KCNQ3: variants seen among roughly 807,000 people sequenced by gnomAD.
KCNQ3 encodes the protein potassium voltage-gated channel subfamily KQT member 3.
KCNQ3 carries 30 observed loss-of-function variants against 92.5 expected under a neutral mutation model. The observed-to-expected ratio is 0.32, with a 90% CI of 0.24 to 0.44. The LOEUF (loss-of-function observed/expected upper bound fraction) is 0.44, where lower values mean the gene tolerates loss of function less well. Ranked by LOEUF, KCNQ3 falls within the 20% of genes least tolerant of loss-of-function variation. The pLI is 1.00. For synonymous variants in KCNQ3, 450 were observed against 468.8 expected (o/e 0.96, Z 0.52); for missense variants, 913 against 1,140.3 (o/e 0.80, Z 2.87).
intron 1 of KCNQ3, among the ~76,000 whole-genome samples, chr8:132,401,533 G>A (rs2167170): frequency 0.14 from 21,357 of 152,060 alleles, 1,952 homozygotes; most frequent in Non-Finnish European, 0.21. Context: ...GTGCCACCAC[G>A]CCCAGCTAAT....
intron 1 of KCNQ3, among the ~76,000 whole-genome samples, chr8:132,279,197 G>A (rs1366760509): frequency 6.6e-6 from 1 of 152,128 alleles, no homozygotes; most frequent in Admixed American, 6.5e-5. Context: ...CAGCCTGGGT[G>A]ACAGAGCCAG....
intron 1 of KCNQ3, among the ~76,000 whole-genome samples, chr8:132,227,167 ATTC>A (rs541699484): frequency 1.8e-4 from 26 of 147,438 alleles, no homozygotes; most frequent in Non-Finnish European, 3.7e-4. Flanking sequence ...GGTTCAACTG[ATTC>A]TCCTGGCTCA....
At chr8:132,181,917 T>C (rs950747992) in intron 3 of KCNQ3, among the ~76,000 whole-genome samples, 7 of 151,762 alleles carry the variant, frequency 4.6e-5, no homozygotes, top group East Asian at 1.9e-4. Context: ...CGGTGGTGGG[T>C]GCCTGTGGTC....
chr8:132,134,217 CA>C (rs1824985493), intron 13 of KCNQ3, 72 bp downstream of exon 13: 1 of 1,085,922 alleles, frequency 9.2e-7, no homozygotes, highest in African/African-American at 1.5e-5. Flanking sequence ...AGGACCCCAG[CA>C]GAGGTTTGGG....
In KCNQ3 at chr8:132,480,435, G is replaced by C. The variant is rs761196042; in HGVS notation, c.98C>G (p.Ala33Gly). ...GGAANPAGGD[A>G]AAAGDEERKV... The stretch of plus-strand genomic sequence containing the variant: ...CCGCTCCTCGTCGCCGGCCGCCGCC[G>C]CGTCCCCTCCGGCTGGGTTAGCCGC... The change falls in exon 1 of 15, where the codon GCG becomes GGG. Residue 33 changes from alanine (A) to glycine (G), a missense_variant. Coordinates refer to ENST00000388996, the MANE Select transcript of KCNQ3 (RefSeq NM_004519.4). 1 of 1,454,010 alleles carries C rather than the reference G, an allele frequency of 6.9e-7. No individual in the cohort carries two copies. Among genetic ancestry groups the C allele is most frequent in the Non-Finnish European group, 9.0e-7 (1 of 1,106,316 alleles). The allele number at this position is 1,454,010 out of a possible 1,614,324, so 90.1% of individuals were successfully genotyped here. A position where few individuals can be genotyped will look rare whatever the true frequency, so the allele number is the denominator to read the frequency against.
chr8:132,248,737 A>T (rs1025568803), intron 1 of KCNQ3, among the ~76,000 whole-genome samples: 6 of 152,180 alleles, frequency 3.9e-5, no homozygotes, highest in East Asian at 3.9e-4. Context: ...CAATCAGCAG[A>T]TTACTTCTAC....
chr8:132,386,032 G>C (rs1819882658), intron 1 of KCNQ3, among the ~76,000 whole-genome samples: 1 of 151,918 alleles, frequency 6.6e-6, no homozygotes, highest in Non-Finnish European at 1.5e-5. Context: ...AGGGCCCTGG[G>C]ATGGGGGGAT....
intron 1 of KCNQ3, among the ~76,000 whole-genome samples, chr8:132,464,051 G>T (rs1303846981): frequency 1.3e-5 from 2 of 152,174 alleles, no homozygotes; most frequent in African/African-American, 4.8e-5. Flanking sequence ...TGGGTGTGGT[G>T]GCGGGCGCCT....
At chr8:132,367,792 C>T (rs907243209) in intron 1 of KCNQ3, among the ~76,000 whole-genome samples, 2 of 152,206 alleles carry the variant, frequency 1.3e-5, no homozygotes, top group Non-Finnish European at 2.9e-5. Context: ...TAAATATGCT[C>T]ATGAGTCACT....
chr8:132,389,222 T>C (rs1412625302), intron 1 of KCNQ3, among the ~76,000 whole-genome samples: 1 of 152,166 alleles, frequency 6.6e-6, no homozygotes, highest in African/African-American at 2.4e-5. Flanking sequence ...TTTGGGAGGC[T>C]GAGGTGGTTG....
At chr8:132,168,187 C>T (rs1373413086) in intron 8 of KCNQ3, among the ~76,000 whole-genome samples, 2 of 152,186 alleles carry the variant, frequency 1.3e-5, no homozygotes, top group Non-Finnish European at 2.9e-5. Context: ...ACTGCTTTTA[C>T]CTTGGTCTAG....
chr8:132,465,929 T>C (rs1057408123), intron 1 of KCNQ3, among the ~76,000 whole-genome samples: 6 of 151,960 alleles, frequency 3.9e-5, no homozygotes, highest in African/African-American at 7.3e-5. Context: ...AATAAATACA[T>C]GAAATAAAAC....
At chr8:132,140,997 T>C (rs1825277534) in intron 10 of KCNQ3, 132 bp downstream of exon 10, 1 of 810,536 alleles carries the variant, frequency 1.2e-6, no homozygotes, top group African/African-American at 1.7e-5. Context: ...GAAGTTGGCT[T>C]GTCGAGGGAA....
intron 1 of KCNQ3, among the ~76,000 whole-genome samples, chr8:132,450,224 T>C (rs1587032726): frequency 1.3e-5 from 2 of 152,164 alleles, no homozygotes; most frequent in African/African-American, 4.8e-5. Context: ...TCCTGCTGAT[T>C]GGTCCATTTT....
chr8:132,186,509 C>A, intron 1 of KCNQ3: 1 of 371,988 alleles, frequency 2.7e-6, no homozygotes, highest in Non-Finnish European at 5.2e-6. Flanking sequence ...AAAGTCAAGA[C>A]AACTTTTCAC....
chr8:132,279,083 G>A (rs763941600), intron 1 of KCNQ3, among the ~76,000 whole-genome samples: 1 of 152,122 alleles, frequency 6.6e-6, no homozygotes, highest in Non-Finnish European at 1.5e-5. Flanking sequence ...GCTGGGCTTG[G>A]TGGTGGATAC....
intron 1 of KCNQ3, among the ~76,000 whole-genome samples, chr8:132,370,829 C>A (rs1016026094): frequency 2.6e-5 from 4 of 152,188 alleles, no homozygotes; most frequent in Admixed American, 2.6e-4. Context: ...AGGCTCTGTG[C>A]AAAGTGCTTC....
chr8:132,353,008 C>T (rs773936616), intron 1 of KCNQ3, among the ~76,000 whole-genome samples: 18 of 152,168 alleles, frequency 1.2e-4, no homozygotes, highest in South Asian at 4.1e-4. Flanking sequence ...GGGTGGATCA[C>T]GAGGTCAGGA....
intron 9 of KCNQ3, among the ~76,000 whole-genome samples, chr8:132,153,219 G>T (rs150922999): frequency 5.3e-5 from 8 of 152,134 alleles, no homozygotes; most frequent in Non-Finnish European, 1.0e-4. Flanking sequence ...TGCAAATCCC[G>T]CCAGATGACA....
Sources: allele counts gnomAD v4.1 joint callset (sites outside exome capture counted in the v4.1 genomes callset), GRCh38; gene constraint gnomAD v4.1.1; transcripts MANE v1.5; gene names NCBI Gene and HGNC (gene_info 2026-07-23, HGNC 2026-07-21).